The following FAM47E variants were observed in gnomAD, a reference collection of about 807,000 sequenced individuals.
FAM47E encodes the protein protein FAM47E.
A neutral mutation model predicts 41.6 loss-of-function variants in FAM47E; 32 were observed. The observed-to-expected ratio is 0.77, with a 90% CI of 0.58 to 1.03. The LOEUF is 1.03. FAM47E is among the 50% of genes least tolerant of loss of function. FAM47E has a pLI of 0.00. For synonymous variants in FAM47E, 184 were observed against 188.7 expected (o/e 0.98, Z 0.20); for missense variants, 424 against 485.4 (o/e 0.87, Z 1.19).
intron 2 of FAM47E, among the ~76,000 whole-genome samples, chr4:76,233,002 T>G (rs532248551): frequency 6.6e-6 from 1 of 152,198 alleles, no homozygotes; most frequent in Non-Finnish European, 1.5e-5. Context: ...TGTTTGAACC[T>G]TCAGCTTTTC....
chr4:76,240,849 C>CTTTAAGACAGT (rs1733695769), intron 2 of FAM47E, among the ~76,000 whole-genome samples: 1 of 152,082 alleles, frequency 6.6e-6, no homozygotes, highest in Non-Finnish European at 1.5e-5. Flanking sequence ...CTTTGGGTAA[C>CTTTAAGACAGT]TTTAAGACAG....
In FAM47E at chr4:76,256,263, G is replaced by A. The variant is rs781361796; in HGVS notation, c.160G>A (p.Asp54Asn). The A allele has an allele frequency of 7.1e-6, 11 of 1,551,704 alleles. No individual in the cohort carries two copies. In the East Asian group the frequency reaches 1.7e-4, roughly 24 times the overall value. ...GGTATTTCCAAGAAAGGGGCTGGACGACTTCAGGAAGGGCTGCCCGCCTTG... is the reference window on the plus strand; with the variant it reads ...GGTATTTCCAAGAAAGGGGCTGGACAACTTCAGGAAGGGCTGCCCGCCTTG... The part of the protein sequence containing the change: ...QLVFPRKGLD[D>N]FRKGCPPCTG... The change falls in exon 2 of 8, where the codon GAC becomes AAC. Residue 54 changes from aspartate to asparagine, a missense_variant. Coordinates refer to ENST00000424749, the MANE Select transcript of FAM47E (RefSeq NM_001136570.3).
At chr4:76,249,317 G>A (rs573023693), upstream of FAM47E, among the ~76,000 whole-genome samples, 1 of 152,168 alleles carries the variant, frequency 6.6e-6, no homozygotes, top group East Asian at 1.9e-4. Context: ...CTAGGCATAT[G>A]GACAAATTGT....
intron 5 of FAM47E, among the ~76,000 whole-genome samples, chr4:76,273,847 A>G (rs1431345073): frequency 6.5e-5 from 9 of 137,566 alleles, no homozygotes; most frequent in Non-Finnish European, 1.6e-5. Context: ...CTATGTCGTT[A>G]AATTCTCTAT....
chr4:76,217,273 G>A (rs1733225043), intron 1 of FAM47E, among the ~76,000 whole-genome samples: 1 of 152,198 alleles, frequency 6.6e-6, no homozygotes, highest in Non-Finnish European at 1.5e-5. Flanking sequence ...GTTTAGATGA[G>A]GAGGCTGATG....
At chr4:76,247,914 T>G (rs1416429778), upstream of FAM47E, among the ~76,000 whole-genome samples, 1 of 111,174 alleles carries the variant, frequency 9.0e-6, no homozygotes, top group South Asian at 2.8e-4. Context: ...CTCTCTCTTT[T>G]TTTTTTTTTT....
intron 2 of FAM47E, chr4:76,234,325 G>A (rs1448885738): frequency 2.6e-5 from 4 of 152,628 alleles, no homozygotes; most frequent in African/African-American, 9.7e-5. Flanking sequence ...CCCATGTTGG[G>A]GGTCAAAAAT....
intron 5 of FAM47E, among the ~76,000 whole-genome samples, chr4:76,277,089 C>T (rs1271237548): frequency 6.6e-6 from 1 of 152,090 alleles, no homozygotes; most frequent in Non-Finnish European, 1.5e-5. Context: ...AGTCTATGAA[C>T]CAACAACAGG....
intron 2 of FAM47E, among the ~76,000 whole-genome samples, chr4:76,220,214 T>A (rs916369253): frequency 2.6e-5 from 4 of 152,184 alleles, no homozygotes; most frequent in African/African-American, 4.8e-5. Flanking sequence ...AAACCAGTGT[T>A]CATAGCAGCA....
chr4:76,225,127 T>G (rs1733372349), intron 2 of FAM47E, among the ~76,000 whole-genome samples: 1 of 152,324 alleles, frequency 6.6e-6, no homozygotes, highest in East Asian at 1.9e-4. Context: ...TTTGCTCCTT[T>G]TTATGGCTGA....
intron 6 of FAM47E, chr4:76,278,436 T>C (rs1328713951): frequency 2.1e-6 from 1 of 472,380 alleles, no homozygotes; most frequent in African/African-American, 2.0e-5. Context: ...GTGGTAGACA[T>C]GACATCTCTA....
chr4:76,232,534 G>A (rs1733511414), intron 2 of FAM47E, among the ~76,000 whole-genome samples: 2 of 152,136 alleles, frequency 1.3e-5, no homozygotes, highest in Non-Finnish European at 1.5e-5. Flanking sequence ...TTTACAATAA[G>A]TTAACATAAC....
intron 1 of FAM47E, among the ~76,000 whole-genome samples, chr4:76,216,721 C>A (rs1052420395): frequency 8.5e-5 from 13 of 152,218 alleles, no homozygotes; most frequent in African/African-American, 2.9e-4. Context: ...TAGTAAGCCA[C>A]TTCCCCTTTA....
At chr4:76,268,473 ACTTGT>A (rs1483400553) in intron 3 of FAM47E, 182 bp from the exon 4 acceptor site, 4 of 568,166 alleles carry the variant, frequency 7.0e-6, no homozygotes, top group African/African-American at 5.8e-5. Context: ...ATCATGATAT[ACTTGT>A]CTTTATGATA....
At chr4:76,278,897 A>T (rs1735237066) in intron 6 of FAM47E, 1 of 152,236 alleles carries the variant, frequency 6.6e-6, no homozygotes, top group Admixed American at 6.5e-5. Flanking sequence ...TCTAATGAGG[A>T]TATTTGCAAA....
chr4:76,277,594 G>A (rs1735181762), intron 5 of FAM47E, among the ~76,000 whole-genome samples: 1 of 152,126 alleles, frequency 6.6e-6, no homozygotes, highest in African/African-American at 2.4e-5. Context: ...ACCGTGCTGG[G>A]CTCACACTAT....
intron 7 of FAM47E, chr4:76,282,901 G>C (rs2110032550): frequency 6.5e-6 from 1 of 153,860 alleles, no homozygotes; most frequent in South Asian, 2.0e-4. Context: ...GTGTATGTGT[G>C]TGTGTGTATA....
In FAM47E at chr4:76,225,164, C is replaced by T. The variant is rs147175951; in HGVS notation, c.81+7476C>T. On this transcript the variant is annotated intron_variant, in intron 2 of 7. Transcript: ENST00000510197. ...TAGTATTCCATAGTAAATATATATACCACATTTTCTTTATCCACTCGCACT... is the reference window on the plus strand; with the variant it reads ...TAGTATTCCATAGTAAATATATATATCACATTTTCTTTATCCACTCGCACT... Among the ~76,000 whole-genome samples the T allele has an allele frequency of 2.4e-3, 367 of 152,200 alleles. 2 individuals are homozygous for T. The highest frequency in any genetic ancestry group is 8.3e-3 in the African/African-American group (343 of 41,524).
In FAM47E at chr4:76,283,575, T is replaced by C; in HGVS notation, c.*117T>C. 1.6e-6 allele frequency: 1 copy of C among 638,828 alleles called. No homozygotes were observed. The highest frequency in any genetic ancestry group is 2.8e-6 in the Non-Finnish European group (1 of 362,292). The allele number at this position is 638,828 out of a possible 1,614,324, so 39.6% of individuals were successfully genotyped here. On this transcript the variant is annotated 3_prime_UTR_variant, in exon 8 of 8. Coordinates refer to ENST00000424749, the MANE Select transcript of FAM47E (RefSeq NM_001136570.3). ...GAGTGTCCCACTGTGGATGTTCAAC[T>C]TTGACTTGGCAACATCTGTAAATGT...
Sources: gnomAD v4.1 joint callset for allele counts (sites outside exome capture counted in the v4.1 genomes callset) on GRCh38, gnomAD v4.1.1 for gene constraint, MANE v1.5 for transcripts, NCBI Gene and HGNC (gene_info 2026-07-23, HGNC 2026-07-21) for gene names.